Variants in NPHP1 observed in about 807,000 individuals in gnomAD.
NPHP1 encodes the protein nephrocystin-1.
NPHP1 carries 70 observed loss-of-function variants against 90.4 expected under a neutral mutation model. That is an observed-to-expected ratio of 0.77 (90% CI 0.64 to 0.95). The LOEUF is 0.95. Among genes scored for constraint, NPHP1 ranks in the 40% least tolerant of loss-of-function variants. The pLI, the probability that NPHP1 is intolerant of heterozygous loss-of-function variation, is 0.00. For missense variants in NPHP1, 764 were observed against 795.9 expected, an observed-to-expected ratio of 0.96 and a Z score of 0.48; for synonymous variants, 256 against 271.7, an observed-to-expected ratio of 0.94 and a Z score of 0.57.
At chr2:110,187,573 C>A (rs1271103493) in intron 2 of NPHP1, among the ~76,000 whole-genome samples, 1 of 152,074 alleles carries the variant, frequency 6.6e-6, no homozygotes, top group African/African-American at 2.4e-5. Flanking sequence ...GAATTCACAG[C>A]TGAATTCTAC....
rs1679201946 is a variant in NPHP1 at position 110,124,327 on chromosome 2, G to C, written c.1762-264C>G. ...ACCAGGGTGTCTCCTAAGCTCCATG[G>C]AGGGTGTCTCACACATTCTGTCAAG... On this transcript the variant is annotated intron_variant, in intron 19 of 19. Coordinates refer to ENST00000445609, the MANE Select transcript of NPHP1 (RefSeq NM_001128178.3). 9.2e-6 allele frequency: 5 copies of C among 542,862 alleles called. No homozygotes were observed. In the South Asian group the frequency reaches 1.0e-4, roughly 11 times the overall value. 33.6% of individuals were successfully genotyped at this position (542,862 alleles called of 1,614,324 possible). A position where few individuals can be genotyped will look rare whatever the true frequency, so the allele number is the denominator to read the frequency against.
At chr2:110,172,487 AT>A (rs1325341686) in intron 4 of NPHP1, among the ~76,000 whole-genome samples, 2 of 151,882 alleles carry the variant, frequency 1.3e-5, no homozygotes, top group African/African-American at 4.8e-5. Flanking sequence ...ACATTTAAAG[AT>A]ATAAATTTCT....
chr2:110,199,613 A>AC (rs1211099795), intron 2 of NPHP1, among the ~76,000 whole-genome samples: 3 of 151,708 alleles, frequency 2.0e-5, no homozygotes, highest in African/African-American at 4.8e-5. Flanking sequence ...ACAGAGTGAG[A>AC]CCCCCCACAT....
At chr2:110,141,298 T>C (rs1209079759) in intron 16 of NPHP1, among the ~76,000 whole-genome samples, 1 of 152,202 alleles carries the variant, frequency 6.6e-6, no homozygotes, top group Admixed American at 6.5e-5. Context: ...CACTATTGTG[T>C]TAGTTACCAT....
chr2:110,200,236 C>CAG (rs1685480770), intron 2 of NPHP1, among the ~76,000 whole-genome samples: 1 of 150,490 alleles, frequency 6.6e-6, no homozygotes, highest in Non-Finnish European at 1.5e-5. Flanking sequence ...GCCTGGGCGA[C>CAG]AGAGAGAGAC....
chr2:110,164,525 G>A lies in NPHP1; in HGVS notation c.771+163C>T, dbSNP rs184810717. ...AAACTAATGAGAAATGTTACTTGGA[G>A]CACAGGCTTAGAAACCAGAAATATA... is the stretch of plus-strand genomic sequence containing the variant. On this transcript the variant is annotated intron_variant, in intron 8 of 19. Coordinates refer to ENST00000445609, the MANE Select transcript of NPHP1 (RefSeq NM_001128178.3). The A allele has an allele frequency of 2.7e-6, 4 of 1,459,374 alleles. No homozygotes were observed. The East Asian group carries it at 6.8e-5, about 25-fold the overall frequency. 90.4% of individuals were successfully genotyped at this position (1,459,374 alleles called of 1,614,324 possible). A position where few individuals can be genotyped will look rare whatever the true frequency, so the allele number is the denominator to read the frequency against.
At chr2:110,197,505 G>A (rs1028732186) in intron 2 of NPHP1, among the ~76,000 whole-genome samples, 1 of 152,038 alleles carries the variant, frequency 6.6e-6, no homozygotes, top group Non-Finnish European at 1.5e-5. Flanking sequence ...GGTGAGCAGG[G>A]GGCCCACGGC....
chr2:110,199,521 CG>C, intron 2 of NPHP1, among the ~76,000 whole-genome samples: 1 of 151,166 alleles, frequency 6.6e-6, no homozygotes, highest in East Asian at 2.0e-4. Context: ...TAGCTCGTGG[CG>C]GGGGAGGGGG....
intron 6 of NPHP1, 35 bp downstream of exon 6, chr2:110,168,417 A>T (rs749565591): frequency 2.3e-6 from 3 of 1,306,188 alleles, no homozygotes. Context: ...AAAAAAAAAA[A>T]GTCTTAGAAA....
At chr2:110,154,184 TA>T (rs1228478326) in intron 11 of NPHP1, among the ~76,000 whole-genome samples, 1 of 152,076 alleles carries the variant, frequency 6.6e-6, no homozygotes, top group Admixed American at 6.6e-5. Context: ...CTGATGATTT[TA>T]AAAATGGGAG....
chr2:110,165,745 G>A (rs1682682611), intron 6 of NPHP1, among the ~76,000 whole-genome samples: 1 of 151,758 alleles, frequency 6.6e-6, no homozygotes, highest in Non-Finnish European at 1.5e-5. Flanking sequence ...TATTATAAAA[G>A]CTCTTAGAAA....
At chr2:110,152,222 G>A (rs143017147) in intron 11 of NPHP1, among the ~76,000 whole-genome samples, 3 of 152,202 alleles carry the variant, frequency 2.0e-5, no homozygotes, top group Non-Finnish European at 2.9e-5. Flanking sequence ...GGGAGGCTAC[G>A]GCAGGGAGAT....
chr2:110,124,319 G>A (rs1679201155), intron 19 of NPHP1: 2 of 554,788 alleles, frequency 3.6e-6, no homozygotes, highest in South Asian at 4.1e-5. Flanking sequence ...TGTCTCCTAA[G>A]CTCCATGGAG....
At chr2:110,184,913 G>A (rs1351780602) in intron 2 of NPHP1, 2 of 690,274 alleles carry the variant, frequency 2.9e-6, no homozygotes, top group East Asian at 3.3e-5. Context: ...CAAGGTCCTG[G>A]TGTTCGCCAT....
At chr2:110,183,031 A>G (rs2202875) in intron 2 of NPHP1, among the ~76,000 whole-genome samples, 1 of 151,782 alleles carries the variant, frequency 6.6e-6, no homozygotes, top group African/African-American at 2.4e-5. Flanking sequence ...GCCAATAAAG[A>G]TAAAAAAAAG....
chr2:110,141,381 TTGA>T (rs1680614955), intron 16 of NPHP1, among the ~76,000 whole-genome samples: 1 of 152,004 alleles, frequency 6.6e-6, no homozygotes, highest in African/African-American at 2.4e-5. Flanking sequence ...CTTTATGGGG[TTGA>T]TATTATTATT....
chr2:110,191,836 A>G (rs1276155696), intron 2 of NPHP1, among the ~76,000 whole-genome samples: 1 of 152,108 alleles, frequency 6.6e-6, no homozygotes, highest in African/African-American at 2.4e-5. Context: ...AGGCAGCAAC[A>G]TTTGCTGTTC....
At position 110,143,974 on chromosome 2, in the gene NPHP1, C is replaced by G. The variant is rs548461180; in HGVS notation, c.1430-333G>C. The G allele has an allele frequency of 4.9e-5, 17 of 349,416 alleles. No individual in the cohort carries two copies. The East Asian group carries it at 1.2e-3, about 25-fold the overall frequency. The allele number at this position is 349,416 out of a possible 1,614,324, so 21.6% of individuals were successfully genotyped here. On this transcript the variant is annotated intron_variant, in intron 15 of 19. Transcript: ENST00000445609. ...TGTGGGGTCAGCAGAGGTGGCATGTCTTGAATCACCAAACAAATAGAGGGG... is the reference window on the plus strand; with the variant it reads ...TGTGGGGTCAGCAGAGGTGGCATGTGTTGAATCACCAAACAAATAGAGGGG...
intron 2 of NPHP1, 121 bp from the exon 3 acceptor site, chr2:110,179,805 A>G: frequency 1.8e-6 from 1 of 547,648 alleles, no homozygotes; most frequent in Middle Eastern, 5.0e-4. Flanking sequence ...GAACAATACT[A>G]AAAAACTGAC....
Sources: allele counts gnomAD v4.1 joint callset (sites outside exome capture counted in the v4.1 genomes callset), GRCh38; gene constraint gnomAD v4.1.1; transcripts MANE v1.5; gene names NCBI Gene and HGNC (gene_info 2026-07-23, HGNC 2026-07-21).